Variants in GPM6B observed in about 807,000 individuals in gnomAD.
GPM6B encodes the protein neuronal membrane glycoprotein M6-b.
In GPM6B, 4 loss-of-function variants were observed where a neutral mutation model predicts 27.2. The observed-to-expected ratio is 0.15, with a 90% CI of 0.07 to 0.34. The LOEUF (loss-of-function observed/expected upper bound fraction) is 0.34. GPM6B is among the 10% of genes least tolerant of loss of function. The pLI, the probability that GPM6B is intolerant of heterozygous loss-of-function variation, is 1.00. For missense variants in GPM6B, 183 were observed against 261.9 expected (o/e 0.70, Z 2.08); for synonymous variants, 124 against 103.1 (o/e 1.20, Z -1.23).
At chrX:13,799,445 C>T (rs1315145772) in intron 2 of GPM6B, among the ~76,000 whole-genome samples, 2 of 106,394 alleles carry the variant, frequency 1.9e-5, no homozygotes, top group Non-Finnish European at 3.9e-5. Context: ...GTTGGCCAGA[C>T]TGGTCTCAAA....
intron 1 of GPM6B, among the ~76,000 whole-genome samples, chrX:13,909,150 G>A (rs1458594235): frequency 1.3e-5 from 1 of 78,033 alleles, no homozygotes. Flanking sequence ...TTTGGAGACA[G>A]TCTCACTCTG....
In GPM6B at chrX:13,848,501, T is replaced by TA. The variant is rs1295526937; in HGVS notation, c.-197-62694dup. ...GTGTAAGATAGCAGATATGCATTTG[T>TA]AAAAAAACAATAAAAAATTATTCTG... On this transcript the variant is annotated intron_variant, in intron 1 of 6. Coordinates refer to the GPM6B transcript ENST00000398361. 6.2e-5 allele frequency among the ~76,000 whole-genome samples: 7 copies of TA among 112,092 alleles called. No homozygotes were observed. The East Asian group carries it at 2.0e-3, about 31-fold the overall frequency.
chrX:13,877,719 G>A (rs1012221300), intron 1 of GPM6B, among the ~76,000 whole-genome samples: 1 of 104,282 alleles, frequency 9.6e-6, no homozygotes, highest in Non-Finnish European at 1.9e-5. Flanking sequence ...AAAGCTACTT[G>A]GGAGGCTGAG....
At chrX:13,789,551 G>A (rs776660078) in intron 2 of GPM6B, among the ~76,000 whole-genome samples, 13 of 111,353 alleles carry the variant, frequency 1.2e-4, no homozygotes, top group South Asian at 7.6e-4. Context: ...CAAGACGGGC[G>A]GATCACGAGG....
intron 1 of GPM6B, among the ~76,000 whole-genome samples, chrX:13,886,282 C>A (rs2147021940): frequency 8.9e-6 from 1 of 111,802 alleles, no homozygotes; most frequent in African/African-American, 3.3e-5. Context: ...AACCCAAATG[C>A]CTTTAGGAAC....
At position 13,812,044 on chromosome X, in the gene GPM6B, C is replaced by CTTTTTTT. The variant is rs752162419; in HGVS notation, c.62-4276_62-4275insAAAAAAA. On this transcript the variant is annotated intron_variant, in intron 1 of 7. Transcript: ENST00000316715. ...TTTCAAAGGAGAACACTTTTCTTTT[C>CTTTTTTT]TTTCTTTTTTTTTTTTTTTTTTTGA... 2.3e-3 allele frequency among the ~76,000 whole-genome samples: 193 copies of CTTTTTTT among 82,617 alleles called. 8 individuals carry two copies. Among genetic ancestry groups the CTTTTTTT allele is most frequent in the Non-Finnish European group, 3.2e-3 (139 of 43,932 alleles). The allele number at this position is 82,617 out of a possible 115,157, so 71.7% of individuals were successfully genotyped here. A position where few individuals can be genotyped will look rare whatever the true frequency, so the allele number is the denominator to read the frequency against.
At chrX:13,932,494 GTTTAT>G (rs1445729216) in intron 1 of GPM6B, among the ~76,000 whole-genome samples, 1 of 112,085 alleles carries the variant, frequency 8.9e-6, no homozygotes, top group Non-Finnish European at 1.9e-5. Context: ...ACAGAGTCTT[GTTTAT>G]TTTTTGCTTC....
At chrX:13,929,036 A>G (rs1382670624) in intron 1 of GPM6B, among the ~76,000 whole-genome samples, 1 of 111,931 alleles carries the variant, frequency 8.9e-6, no homozygotes, top group Non-Finnish European at 1.9e-5. Flanking sequence ...CGTAATGAAG[A>G]CATGACTAAG....
At chrX:13,855,137 G>A (rs2049765835) in intron 1 of GPM6B, among the ~76,000 whole-genome samples, 2 of 109,983 alleles carry the variant, frequency 1.8e-5, no homozygotes, top group East Asian at 2.8e-4. Flanking sequence ...TCCTGCCTCA[G>A]CCTCCCAAGC....
At chrX:13,845,035 G>T (rs750310502) in intron 1 of GPM6B, among the ~76,000 whole-genome samples, 10 of 106,035 alleles carry the variant, frequency 9.4e-5, no homozygotes, top group Non-Finnish European at 1.6e-4. Flanking sequence ...TGTTGCCCAG[G>T]CTGGAGTGCA....
At chrX:13,801,151 G>A (rs2048914664) in intron 2 of GPM6B, among the ~76,000 whole-genome samples, 1 of 111,605 alleles carries the variant, frequency 9.0e-6, no homozygotes, top group Non-Finnish European at 1.9e-5. Context: ...TAGAACACTA[G>A]ATGAAAGTAG....
At chrX:13,931,251 A>C (rs1603149788) in intron 1 of GPM6B, among the ~76,000 whole-genome samples, 1 of 111,114 alleles carries the variant, frequency 9.0e-6, no homozygotes, top group African/African-American at 3.3e-5. Context: ...TCATGCCTGT[A>C]ATCCCAGCAC....
At chrX:13,783,780 T>C (rs779461735) in intron 3 of GPM6B, 23 of 446,154 alleles carry the variant, frequency 5.2e-5, no homozygotes, top group African/African-American at 4.1e-4. Context: ...AATCCTTACC[T>C]GAGTCCTGGG....
At chrX:13,894,511 C>A (rs1468333758) in intron 1 of GPM6B, among the ~76,000 whole-genome samples, 1 of 112,157 alleles carries the variant, frequency 8.9e-6, no homozygotes, top group Non-Finnish European at 1.9e-5. Context: ...AGGTACATTT[C>A]ATTTACTATA....
intron 1 of GPM6B, among the ~76,000 whole-genome samples, chrX:13,872,743 A>T (rs758658838): frequency 1.8e-5 from 2 of 110,897 alleles, no homozygotes; most frequent in Non-Finnish European, 3.8e-5. Flanking sequence ...ATGGTCAGAG[A>T]CAGGACAAGG....
chrX:13,893,126 A>G (rs1385247816), intron 1 of GPM6B, among the ~76,000 whole-genome samples: 1 of 112,082 alleles, frequency 8.9e-6, no homozygotes, highest in Non-Finnish European at 1.9e-5. Flanking sequence ...ATGCTTTGCC[A>G]AACTCTGATC....
intron 5 of GPM6B, 134 bp from the exon 6 acceptor site, chrX:13,777,559 G>A (rs1398587601): frequency 8.4e-6 from 4 of 477,465 alleles, no homozygotes; most frequent in South Asian, 3.4e-5. Context: ...TGGATCTGCT[G>A]TCTGCAGAAC....
chrX:13,813,053 A>T (rs2049168070), intron 1 of GPM6B: 1 of 111,840 alleles, frequency 8.9e-6, no homozygotes, highest in Admixed American at 9.5e-5. Context: ...CTTACAGATA[A>T]TAACTGCATC....
intron 1 of GPM6B, among the ~76,000 whole-genome samples, chrX:13,849,698 A>C (rs2049691494): frequency 9.0e-6 from 1 of 111,347 alleles, no homozygotes; most frequent in African/African-American, 3.3e-5. Flanking sequence ...AGGGAATAGA[A>C]ACAGAATCAG....
Sources: allele counts gnomAD v4.1 joint callset (sites outside exome capture counted in the v4.1 genomes callset), GRCh38; gene constraint gnomAD v4.1.1; transcripts MANE v1.5; gene names NCBI Gene and HGNC (gene_info 2026-07-23, HGNC 2026-07-21).